MEIS1: variants seen among roughly 807,000 people sequenced by gnomAD.
MEIS1 encodes homeobox protein Meis1.
Under a neutral mutation model 50.8 loss-of-function variants are expected in MEIS1, and 5 were observed. The observed-to-expected ratio is 0.10, with a 90% CI of 0.05 to 0.21. The LOEUF is 0.21. Among genes scored for constraint, MEIS1 ranks in the 10% least tolerant of loss-of-function variants. The pLI is 1.00. For missense variants in MEIS1, 318 were observed against 517.3 expected (o/e 0.61, Z 3.74); for synonymous variants, 176 against 179.3 (o/e 0.98, Z 0.15).
At chr2:66,512,411 GTTCC>G in intron 8 of MEIS1, 117 bp downstream of exon 8, 2 of 1,204,446 alleles carry the variant, frequency 1.7e-6, no homozygotes, top group Non-Finnish European at 2.2e-6. Flanking sequence ...AAATAACTGT[GTTCC>G]CACAGTTTTT....
At chr2:66,525,219 AAACAAACAAAAAAC>A in intron 8 of MEIS1, among the ~76,000 whole-genome samples, 1 of 91,804 alleles carries the variant, frequency 1.1e-5, no homozygotes, top group East Asian at 2.2e-4. Flanking sequence ...TCTCAAAAAC[AAACAAACAAAAAAC>A]AACAAACAAA....
chr2:66,441,372 C>T, intron 4 of MEIS1, 42 bp from the exon 5 acceptor site: 5 of 1,518,234 alleles, frequency 3.3e-6, no homozygotes, highest in Non-Finnish European at 4.4e-6. Flanking sequence ...CAGTTTTCTG[C>T]AAGCCAGGAA....
At chr2:66,498,858 G>C (rs1203902336) in intron 7 of MEIS1, among the ~76,000 whole-genome samples, 1 of 152,190 alleles carries the variant, frequency 6.6e-6, no homozygotes, top group Non-Finnish European at 1.5e-5. Flanking sequence ...TAGGAATGCA[G>C]AATCTCAAGC....
intron 6 of MEIS1, among the ~76,000 whole-genome samples, chr2:66,459,702 T>TAG (rs1003144757): frequency 6.6e-6 from 1 of 151,638 alleles, no homozygotes; most frequent in East Asian, 1.9e-4. Context: ...GAGAGAGAGA[T>TAG]AGAGAGAGAG....
intron 6 of MEIS1, among the ~76,000 whole-genome samples, chr2:66,451,205 G>A (rs1672269264): frequency 6.6e-6 from 1 of 152,014 alleles, no homozygotes; most frequent in South Asian, 2.1e-4. Context: ...ATTAATATTA[G>A]CCCCTTTGTG....
chr2:66,485,041 T>A (rs559688436), intron 7 of MEIS1, among the ~76,000 whole-genome samples: 6 of 152,096 alleles, frequency 3.9e-5, no homozygotes, highest in Non-Finnish European at 7.3e-5. Context: ...GTGAGATGAT[T>A]TTTTTGTTGT....
At chr2:66,440,423 C>T in intron 3 of MEIS1, 139 bp from the exon 4 acceptor site, 1 of 739,080 alleles carries the variant, frequency 1.4e-6, no homozygotes, top group East Asian at 2.7e-5. Flanking sequence ...AACTCGGTGT[C>T]ACCGGGTCCC....
chr2:66,559,378 C>T (rs1020363341), intron 9 of MEIS1, among the ~76,000 whole-genome samples: 3 of 152,178 alleles, frequency 2.0e-5, no homozygotes, highest in African/African-American at 4.8e-5. Flanking sequence ...CACTCTCAAA[C>T]GTGTCCCAGT....
chr2:66,528,412 C>T (rs1402490663), intron 8 of MEIS1, among the ~76,000 whole-genome samples: 1 of 151,962 alleles, frequency 6.6e-6, no homozygotes, highest in Non-Finnish European at 1.5e-5. Flanking sequence ...GTCGAAGAAT[C>T]CATTCCCTAC....
At chr2:66,527,015 C>G (rs1455976793) in intron 8 of MEIS1, among the ~76,000 whole-genome samples, 1 of 152,170 alleles carries the variant, frequency 6.6e-6, no homozygotes, top group Non-Finnish European at 1.5e-5. Context: ...CAACATTCAT[C>G]ACTTCGTTCA....
At chr2:66,456,803 T>C (rs147381867) in intron 6 of MEIS1, among the ~76,000 whole-genome samples, 1 of 152,270 alleles carries the variant, frequency 6.6e-6, no homozygotes, top group East Asian at 1.9e-4. Context: ...CAAAGATGAG[T>C]GTGGGCCTCC....
At chr2:66,478,961 A>C (rs982436374) in intron 7 of MEIS1, among the ~76,000 whole-genome samples, 1 of 152,220 alleles carries the variant, frequency 6.6e-6, no homozygotes, top group Non-Finnish European at 1.5e-5. Flanking sequence ...TATGACCGCA[A>C]TGGTGGGAAT....
At chr2:66,438,379 G>T (rs559764464) in intron 2 of MEIS1, among the ~76,000 whole-genome samples, 1 of 152,336 alleles carries the variant, frequency 6.6e-6, no homozygotes, top group East Asian at 1.9e-4. Context: ...GCCACTGATT[G>T]TTCTGACTTG....
chr2:66,534,304 G>A (rs1166706037), intron 8 of MEIS1, among the ~76,000 whole-genome samples: 2 of 152,206 alleles, frequency 1.3e-5, no homozygotes, highest in African/African-American at 4.8e-5. Flanking sequence ...GGGAGGCCAA[G>A]GCGGGCGGAT....
At chr2:66,533,705 T>C (rs113145178) in intron 8 of MEIS1, among the ~76,000 whole-genome samples, 11 of 152,236 alleles carry the variant, frequency 7.2e-5, no homozygotes, top group African/African-American at 2.4e-4. Context: ...TCCTCATAAA[T>C]TGTGCAGGGC....
chr2:66,444,674 G>C (rs1208431482), intron 6 of MEIS1, among the ~76,000 whole-genome samples: 1 of 152,222 alleles, frequency 6.6e-6, no homozygotes, highest in Admixed American at 6.5e-5. Flanking sequence ...GGGCGGCCCG[G>C]GCCTCACGTC....
At chr2:66,480,698 T>A (rs1369012103) in intron 7 of MEIS1, among the ~76,000 whole-genome samples, 1 of 152,212 alleles carries the variant, frequency 6.6e-6, no homozygotes, top group African/African-American at 2.4e-5. Context: ...ATAACATGTA[T>A]AATCAATAGG....
At chr2:66,441,793 G>A (rs1444490907) in intron 5 of MEIS1, 1 of 282,506 alleles carries the variant, frequency 3.5e-6, no homozygotes. Flanking sequence ...TACCTCTGTT[G>A]TCTCTTCTCA....
intron 7 of MEIS1, among the ~76,000 whole-genome samples, chr2:66,499,971 T>C (rs1157861186): frequency 6.6e-6 from 1 of 152,206 alleles, no homozygotes; most frequent in Non-Finnish European, 1.5e-5. Context: ...TATGGCTTTT[T>C]TTCCTATGCT....
Sources: allele counts gnomAD v4.1 joint callset (sites outside exome capture counted in the v4.1 genomes callset), GRCh38; gene constraint gnomAD v4.1.1; transcripts MANE v1.5; gene names NCBI Gene and HGNC (gene_info 2026-07-23, HGNC 2026-07-21).